The following TFAP2D variants were observed in gnomAD, a reference collection of about 807,000 sequenced individuals.
The protein encoded by TFAP2D is transcription factor AP-2-delta.
Under a neutral mutation model 43.6 loss-of-function variants are expected in TFAP2D, and 9 were observed. The observed-to-expected ratio is 0.21, with a 90% CI of 0.12 to 0.36. TFAP2D has a LOEUF of 0.36. TFAP2D is among the 10% of genes least tolerant of loss of function. TFAP2D has a pLI of 1.00. For synonymous variants in TFAP2D, 256 were observed against 224.9 expected, an observed-to-expected ratio of 1.14 and a Z score of -1.24; for missense variants, 513 against 561.4, an observed-to-expected ratio of 0.91 and a Z score of 0.87.
chr6:50,741,446 C>A (rs1401531214), intron 5 of TFAP2D, among the ~76,000 whole-genome samples: 4 of 152,100 alleles, frequency 2.6e-5, no homozygotes, highest in African/African-American at 4.8e-5. Flanking sequence ...CCACTCTCCA[C>A]CCTCCAGAAG....
intron 3 of TFAP2D, among the ~76,000 whole-genome samples, chr6:50,719,482 A>AAAGG (rs1768683403): frequency 7.2e-6 from 1 of 138,320 alleles, no homozygotes; most frequent in African/African-American, 2.5e-5. Context: ...AGAAAGAAAG[A>AAAGG]AAGAAAGAAA....
At chr6:50,721,165 G>GTA (rs1768716986) in intron 3 of TFAP2D, among the ~76,000 whole-genome samples, 3 of 152,090 alleles carry the variant, frequency 2.0e-5, no homozygotes, top group Non-Finnish European at 4.4e-5. Context: ...TGTAGAATTC[G>GTA]GTCCCTATTC....
chr6:50,761,537 G>T (rs1238484715), intron 7 of TFAP2D, among the ~76,000 whole-genome samples: 1 of 151,988 alleles, frequency 6.6e-6, no homozygotes, highest in East Asian at 1.9e-4. Context: ...TGTTTGCTTA[G>T]TAGGTAGAAA....
At chr6:50,761,103 G>C (rs1435529744) in intron 7 of TFAP2D, among the ~76,000 whole-genome samples, 1 of 151,608 alleles carries the variant, frequency 6.6e-6, no homozygotes, top group Non-Finnish European at 1.5e-5. Context: ...AAGCAGAACT[G>C]AGTGACATCA....
chr6:50,741,994 A>G (rs1569577), intron 5 of TFAP2D, among the ~76,000 whole-genome samples: 37,340 of 151,996 alleles, frequency 0.25, 5,312 homozygotes, highest in East Asian at 0.43. Context: ...CAAATCAGTC[A>G]AACTCCTTAC....
At chr6:50,753,881 ATCT>A (rs943911275) in intron 7 of TFAP2D, among the ~76,000 whole-genome samples, 47 of 152,008 alleles carry the variant, frequency 3.1e-4, no homozygotes, top group African/African-American at 1.1e-3. Context: ...TGTAGATAAA[ATCT>A]TCTGATTTCA....
At position 50,713,968 on chromosome 6, in the gene TFAP2D, T is replaced by C. The variant is rs1768570733; in HGVS notation, c.-88T>C. On this transcript the variant is annotated 5_prime_UTR_variant, in exon 1 of 8. Coordinates refer to ENST00000008391, the MANE Select transcript of TFAP2D (RefSeq NM_172238.4). ...GAACATTTTTTTTTTCCTTTAAAAATTGGAAAATACAAGAAGTTTGGATTT... is the reference window on the plus strand; with the variant it reads ...GAACATTTTTTTTTTCCTTTAAAAACTGGAAAATACAAGAAGTTTGGATTT... 2 of 1,575,360 alleles carry C rather than the reference T, an allele frequency of 1.3e-6. No individual in the cohort carries two copies. Among genetic ancestry groups the C allele is most frequent in the Non-Finnish European group, 1.7e-6 (2 of 1,150,990 alleles).
Position 50,729,196 on chromosome 6 carries a change from C to G in TFAP2D, c.767C>G (p.Ala256Gly). Residue 256 changes from alanine (A) to glycine (G), a missense_variant and splice_region_variant, in exon 5 of 8, where the codon GCA becomes GGA. Physicochemically the swap from Ala to Gly is moderately conservative, Grantham distance 60 (BLOSUM62 0). Coordinates refer to ENST00000008391, the MANE Select transcript of TFAP2D (RefSeq NM_172238.4). ...AGTTTTTGTTTGTTTTTGTACAGAG[C>G]AAAATCAAAGAATGGGGGCCGCTGC... ...ASLLGGILRR[A>G]KSKNGGRCLR... 6.2e-7 allele frequency: 1 copy of G among 1,613,752 alleles called. No individual in the cohort carries two copies. The highest frequency in any genetic ancestry group is 8.5e-7 in the Non-Finnish European group (1 of 1,179,784).
At chr6:50,734,682 T>G (rs147581618) in intron 5 of TFAP2D, among the ~76,000 whole-genome samples, 1 of 152,096 alleles carries the variant, frequency 6.6e-6, no homozygotes, top group Admixed American at 6.6e-5. Context: ...TCTCATTCTA[T>G]AAGAACTAAT....
At chr6:50,764,648 C>T (rs951629877) in intron 7 of TFAP2D, among the ~76,000 whole-genome samples, 1 of 152,006 alleles carries the variant, frequency 6.6e-6, no homozygotes, top group Admixed American at 6.6e-5. Flanking sequence ...AACTGGTGTC[C>T]CCACTCCTTC....
intron 3 of TFAP2D, 114 bp downstream of exon 3, chr6:50,719,264 T>C: frequency 1.8e-6 from 2 of 1,111,408 alleles, no homozygotes; most frequent in East Asian, 2.6e-5. Flanking sequence ...AAAACAATTA[T>C]GCTTAGTCAA....
At chr6:50,766,033 G>A (rs991014805) in intron 7 of TFAP2D, among the ~76,000 whole-genome samples, 1 of 152,126 alleles carries the variant, frequency 6.6e-6, no homozygotes, top group Non-Finnish European at 1.5e-5. Flanking sequence ...GTTCATTTCT[G>A]TGTATGGTGT....
intron 2 of TFAP2D, 54 bp downstream of exon 2, chr6:50,715,667 TGCC>T: frequency 6.6e-7 from 1 of 1,526,326 alleles, no homozygotes; most frequent in South Asian, 1.3e-5. Flanking sequence ...GCCCTCCCCC[TGCC>T]GCCCCATTAA....
At chr6:50,757,017 G>A (rs993715485) in intron 7 of TFAP2D, among the ~76,000 whole-genome samples, 1 of 151,862 alleles carries the variant, frequency 6.6e-6, no homozygotes, top group Non-Finnish European at 1.5e-5. Context: ...ATTTGACAGT[G>A]TAGTAAGAAA....
At chr6:50,745,848 T>C (rs1769118420) in intron 6 of TFAP2D, among the ~76,000 whole-genome samples, 1 of 151,992 alleles carries the variant, frequency 6.6e-6, no homozygotes, top group South Asian at 2.1e-4. Flanking sequence ...CCAATTAAAA[T>C]GCAAATTAAA....
intron 7 of TFAP2D, among the ~76,000 whole-genome samples, chr6:50,772,118 C>T (rs1330247154): frequency 4.6e-5 from 7 of 152,096 alleles, no homozygotes; most frequent in Non-Finnish European, 1.0e-4. Context: ...TGGAAACCAT[C>T]ATTCTGAGCA....
rs1768601949 is a variant in TFAP2D, at chr6:50,715,393, A to G, written c.317A>G (p.His106Arg). Residue 106 changes from histidine to arginine, a missense_variant, in exon 2 of 8, where the codon CAC becomes CGC. Physicochemically the swap from His to Arg is conservative, Grantham distance 29. This residue lies in a region of TFAP2D where 311 missense variants were observed against 316.2 expected (regional missense o/e 0.98). Transcript: ENST00000008391. ...HHSQQYYQQI[H>R]HGEPTDFINL... ...TCGCAACAGTACTACCAGCAGATCC[A>G]CCACGGGGAGCCCACCGACTTTATT... 6.2e-7 allele frequency: 1 copy of G among 1,614,072 alleles called. No individual in the cohort carries two copies. The highest frequency in any genetic ancestry group is 2.2e-5 in the East Asian group (1 of 44,832).
chr6:50,755,636 C>A (rs542498332), intron 7 of TFAP2D, among the ~76,000 whole-genome samples: 6 of 151,806 alleles, frequency 4.0e-5, no homozygotes, highest in African/African-American at 1.4e-4. Context: ...ACTCCAATTC[C>A]TTTTTAAAGT....
intron 7 of TFAP2D, among the ~76,000 whole-genome samples, chr6:50,751,773 G>A (rs1281147917): frequency 1.3e-5 from 2 of 151,748 alleles, no homozygotes; most frequent in African/African-American, 2.4e-5. Context: ...TGGGGTGGAG[G>A]GGACACACAT....
Sources: gnomAD v4.1 joint callset for allele counts (sites outside exome capture counted in the v4.1 genomes callset) on GRCh38, gnomAD v4.1.1 for gene constraint, gnomAD v4.1.1 regional missense constraint, MANE v1.5 for transcripts, NCBI Gene and HGNC (gene_info 2026-07-23, HGNC 2026-07-21) for gene names.